NOL4: variants seen among roughly 807,000 people sequenced by gnomAD.
NOL4 encodes nucleolar protein 4.
NOL4 carries 17 observed loss-of-function variants against 75.9 expected under a neutral mutation model. The ratio of observed to expected loss-of-function variants is 0.22; its 90% confidence interval spans 0.15 to 0.34. The LOEUF (loss-of-function observed/expected upper bound fraction) is 0.34. Among genes scored for constraint, NOL4 ranks in the 10% least tolerant of loss-of-function variants. NOL4 has a pLI of 1.00. For missense variants in NOL4, 614 were observed against 793.5 expected (o/e 0.77, Z 2.72); for synonymous variants, 292 against 289.9 (o/e 1.01, Z -0.07).
intron 5 of NOL4, among the ~76,000 whole-genome samples, chr18:34,020,837 C>T (rs141682464): frequency 8.9e-4 from 135 of 151,836 alleles, no homozygotes; most frequent in African/African-American, 3.0e-3. Context: ...TAAAAATTTG[C>T]TACTGATTTT....
At chr18:33,913,833 G>A (rs1419000376) in intron 9 of NOL4, among the ~76,000 whole-genome samples, 1 of 152,074 alleles carries the variant, frequency 6.6e-6, no homozygotes, top group Non-Finnish European at 1.5e-5. Context: ...GAAAAAAGCA[G>A]GTTCCTGGAA....
intron 1 of NOL4, among the ~76,000 whole-genome samples, chr18:34,215,642 A>T (rs2146597085): frequency 6.6e-6 from 1 of 152,284 alleles, no homozygotes; most frequent in East Asian, 1.9e-4. Context: ...GGATGGGAAA[A>T]TGGAAGGAAG....
chr18:33,939,422 CA>C (rs2068308059), intron 9 of NOL4, among the ~76,000 whole-genome samples: 1 of 152,070 alleles, frequency 6.6e-6, no homozygotes, highest in African/African-American at 2.4e-5. Flanking sequence ...AATGTTTTTC[CA>C]TTTTTTTGTG....
chr18:33,975,459 CTCACTAT>C (rs1298442708), intron 6 of NOL4, among the ~76,000 whole-genome samples: 1 of 152,176 alleles, frequency 6.6e-6, no homozygotes, highest in Non-Finnish European at 1.5e-5. Context: ...CAAGACTGAG[CTCACTAT>C]TCACAATACA....
At chr18:34,126,134 G>A (rs1388537304) in intron 2 of NOL4, among the ~76,000 whole-genome samples, 1 of 152,074 alleles carries the variant, frequency 6.6e-6, no homozygotes, top group Non-Finnish European at 1.5e-5. Context: ...AGTAGTGATT[G>A]GACAAAGAAG....
chr18:33,978,258 T>C (rs547210115), intron 6 of NOL4, among the ~76,000 whole-genome samples: 8 of 152,274 alleles, frequency 5.3e-5, no homozygotes, highest in African/African-American at 1.9e-4. Flanking sequence ...TATGCATATA[T>C]CAAAGTGACT....
At chr18:33,930,962 C>T (rs1341331981) in intron 9 of NOL4, among the ~76,000 whole-genome samples, 2 of 151,988 alleles carry the variant, frequency 1.3e-5, no homozygotes, top group African/African-American at 2.4e-5. Flanking sequence ...TTGCCTTATC[C>T]TTGCTAATAA....
intron 1 of NOL4, among the ~76,000 whole-genome samples, chr18:34,145,242 ATAGCAATTTT>A (rs2081349970): frequency 6.6e-6 from 1 of 152,250 alleles, no homozygotes; most frequent in East Asian, 1.9e-4. Flanking sequence ...TAAGGTCAAT[ATAGCAATTTT>A]ACCTTCTAGG....
At chr18:33,858,793 CAG>C (rs1448878303) in intron 10 of NOL4, among the ~76,000 whole-genome samples, 2 of 151,888 alleles carry the variant, frequency 1.3e-5, no homozygotes, top group African/African-American at 4.8e-5. Flanking sequence ...GTAAAACCAT[CAG>C]AGTCTGATAT....
intron 9 of NOL4, among the ~76,000 whole-genome samples, chr18:33,935,429 A>T (rs2067991858): frequency 6.6e-6 from 1 of 152,126 alleles, no homozygotes; most frequent in Non-Finnish European, 1.5e-5. Flanking sequence ...CTGAAGAAAG[A>T]GAGAGACAGG....
intron 9 of NOL4, among the ~76,000 whole-genome samples, chr18:33,915,634 G>A (rs2066674510): frequency 6.6e-6 from 1 of 151,978 alleles, no homozygotes; most frequent in Admixed American, 6.6e-5. Context: ...CGAGATATAT[G>A]GCTTCTAATA....
At chr18:33,857,656 G>C (rs1021772474) in intron 10 of NOL4, among the ~76,000 whole-genome samples, 2 of 151,984 alleles carry the variant, frequency 1.3e-5, no homozygotes, top group East Asian at 3.9e-4. Flanking sequence ...GGACAACTCA[G>C]TATATTCAGA....
intron 1 of NOL4, among the ~76,000 whole-genome samples, chr18:34,134,711 C>T (rs1305384365): frequency 2.0e-5 from 3 of 151,946 alleles, no homozygotes; most frequent in Non-Finnish European, 4.4e-5. Flanking sequence ...AGACCTCATG[C>T]TATCATAAAA....
intron 1 of NOL4, 128 bp downstream of exon 1, chr18:34,222,862 T>C: frequency 8.0e-7 from 1 of 1,246,590 alleles, no homozygotes; most frequent in Non-Finnish European, 1.1e-6. Flanking sequence ...GGGGAGGGGG[T>C]TGAGGAAGGT....
chr18:34,184,559 C>T (rs1383218304), intron 1 of NOL4, among the ~76,000 whole-genome samples: 1 of 151,944 alleles, frequency 6.6e-6, no homozygotes, highest in Non-Finnish European at 1.5e-5. Flanking sequence ...AAGGAAGGGA[C>T]TGAGTTCTGT....
intron 5 of NOL4, among the ~76,000 whole-genome samples, chr18:34,041,675 TTTC>T (rs1282942302): frequency 3.3e-5 from 5 of 152,106 alleles, no homozygotes; most frequent in African/African-American, 1.2e-4. Flanking sequence ...CATTATAGAT[TTTC>T]TTTTTTTTCT....
rs1226376797 is a variant in NOL4, at chr18:34,203,685, CCT to C, written c.264+19303_264+19304del. Among the ~76,000 whole-genome samples, 346 of 100,714 alleles carry C rather than the reference CCT, an allele frequency of 3.4e-3. 1 individual carries two copies. The highest frequency in any genetic ancestry group is 8.2e-3 in the African/African-American group (212 of 25,892). 66.1% of individuals were successfully genotyped at this position (100,714 alleles called of 152,430 possible). ...CCCCTGATCTCTTTCTCTCTCTCTC[CCT>C]CTCTCTCTCTCTCTCTCTCTCTCTC... On this transcript the variant is annotated intron_variant, in intron 1 of 10. Coordinates refer to ENST00000261592, the MANE Select transcript of NOL4 (RefSeq NM_003787.5).
chr18:33,927,126 G>T (rs1312083284), intron 9 of NOL4, among the ~76,000 whole-genome samples: 1 of 152,076 alleles, frequency 6.6e-6, no homozygotes. Flanking sequence ...GCCATGTTCT[G>T]GGAGTTTCCT....
intron 5 of NOL4, 50 bp downstream of exon 5, chr18:34,093,415 C>A: frequency 6.6e-7 from 1 of 1,503,914 alleles, no homozygotes; most frequent in Non-Finnish European, 8.9e-7. Context: ...TGCATTCTGA[C>A]TCATTTTTTT....
Sources: gnomAD v4.1 joint callset for allele counts (sites outside exome capture counted in the v4.1 genomes callset) on GRCh38, gnomAD v4.1.1 for gene constraint, MANE v1.5 for transcripts, NCBI Gene and HGNC (gene_info 2026-07-23, HGNC 2026-07-21) for gene names.